The following GSG1L variants were observed in gnomAD, a reference collection of about 807,000 sequenced individuals.
GSG1L encodes the protein germ cell-specific gene 1-like protein.
In GSG1L, 24 loss-of-function variants were observed where a neutral mutation model predicts 42.1. The observed-to-expected ratio is 0.57, with a 90% CI of 0.41 to 0.80. The LOEUF (loss-of-function observed/expected upper bound fraction) is 0.80, where lower values mean the gene tolerates loss of function less well. Ranked by LOEUF, GSG1L falls within the 30% of genes least tolerant of loss-of-function variation. GSG1L has a pLI of 0.00. For synonymous variants in GSG1L, 215 were observed against 203.5 expected (o/e 1.06, Z -0.48); for missense variants, 445 against 472.2 (o/e 0.94, Z 0.53).
intron 1 of GSG1L, among the ~76,000 whole-genome samples, chr16:28,038,187 G>A (rs1036189496): frequency 1.3e-5 from 2 of 152,128 alleles, no homozygotes; most frequent in African/African-American, 2.4e-5. Context: ...TGTTGCCCAG[G>A]ATGGTCTGTA....
chr16:27,945,777 G>A (rs1410879118), intron 2 of GSG1L, among the ~76,000 whole-genome samples: 1 of 152,236 alleles, frequency 6.6e-6, no homozygotes, highest in Non-Finnish European at 1.5e-5. Context: ...CAGGGGCATG[G>A]GCCTCTCTGC....
At chr16:27,933,884 A>G (rs1300459228) in intron 2 of GSG1L, among the ~76,000 whole-genome samples, 1 of 152,178 alleles carries the variant, frequency 6.6e-6, no homozygotes, top group Non-Finnish European at 1.5e-5. Flanking sequence ...TGGGCCCTGC[A>G]TTCAACCCTC....
chr16:27,861,623 T>C (rs1426811265), intron 3 of GSG1L, among the ~76,000 whole-genome samples: 2 of 152,142 alleles, frequency 1.3e-5, no homozygotes, highest in Non-Finnish European at 2.9e-5. Context: ...ACTGATAGAT[T>C]GAGCCATGGC....
chr16:27,899,585 C>T lies in GSG1L; in HGVS notation c.398-14947G>A, dbSNP rs185739073. Among the ~76,000 whole-genome samples, 500 of 152,254 alleles carry T rather than the reference C, an allele frequency of 3.3e-3. 6 individuals carry two copies. The highest frequency in any genetic ancestry group is 1.1e-3 in the Non-Finnish European group (75 of 68,018). On this transcript the variant is annotated intron_variant, in intron 2 of 6. Transcript: ENST00000447459. ...TTAAAAAATTAGCCAAGTGTGGTGG[C>T]GTGCACCTGTGGTGGTAGCCACTCA... is the stretch of plus-strand genomic sequence containing the variant.
chr16:27,811,217 C>T lies in GSG1L; in HGVS notation c.831-3663G>A, dbSNP rs545334404. Among the ~76,000 whole-genome samples, 15 of 152,260 alleles carry T rather than the reference C, an allele frequency of 9.9e-5. 1 individual carries two copies. The South Asian group carries it at 3.1e-3, about 32-fold the overall frequency. On this transcript the variant is annotated intron_variant, in intron 5 of 6. Coordinates refer to ENST00000447459, the MANE Select transcript of GSG1L (RefSeq NM_001109763.2). ...TAAACATATTTTTGAAACTGATTTT[C>T]TTTTTACCTATCCAGAAATTTTTCA... is the stretch of plus-strand genomic sequence containing the variant.
Position 27,787,547 on chromosome 16 carries a change from T to G in GSG1L, c.*3823A>C, listed in dbSNP as rs1424733500. The G allele has an allele frequency of 6.6e-6, 1 of 152,228 alleles. No homozygotes were observed. The highest frequency in any genetic ancestry group is 1.9e-4 in the East Asian group (1 of 5,194). The allele number at this position is 152,228 out of a possible 1,614,324, so 9.4% of individuals were successfully genotyped here. On this transcript the variant is annotated 3_prime_UTR_variant, in exon 7 of 7. Coordinates refer to ENST00000447459, the MANE Select transcript of GSG1L (RefSeq NM_001109763.2). ...CACATACCACTTGCACGATTATTTA[T>G]TTAATATTTTTCTTTAAGCCAACTC... is the stretch of plus-strand genomic sequence containing the variant.
intron 3 of GSG1L, among the ~76,000 whole-genome samples, chr16:27,866,487 G>A (rs1403132773): frequency 2.0e-5 from 3 of 152,096 alleles, no homozygotes. Context: ...TTGGCCCAAA[G>A]CACACACCTG....
chr16:27,816,419 T>C (rs2083094757), intron 5 of GSG1L, among the ~76,000 whole-genome samples: 1 of 152,076 alleles, frequency 6.6e-6, no homozygotes, highest in Non-Finnish European at 1.5e-5. Context: ...GAGCAGGAGC[T>C]AAGTGTGAGT....
chr16:27,881,044 G>T (rs541715824), intron 3 of GSG1L, among the ~76,000 whole-genome samples: 1 of 151,946 alleles, frequency 6.6e-6, no homozygotes, highest in East Asian at 1.9e-4. Flanking sequence ...CCCAGGTCAG[G>T]GTCCCTCTGA....
chr16:28,003,612 C>T (rs2085604166), intron 1 of GSG1L, among the ~76,000 whole-genome samples: 1 of 152,210 alleles, frequency 6.6e-6, no homozygotes, highest in African/African-American at 2.4e-5. Flanking sequence ...CCAGCATGGC[C>T]GTGACTGATG....
At chr16:27,941,758 G>A (rs1216886788) in intron 2 of GSG1L, among the ~76,000 whole-genome samples, 3 of 151,632 alleles carry the variant, frequency 2.0e-5, no homozygotes, top group Non-Finnish European at 3.0e-5. Flanking sequence ...ACATCCATGC[G>A]ATGGCATATT....
At chr16:28,037,639 C>T (rs1162875255) in intron 1 of GSG1L, among the ~76,000 whole-genome samples, 3 of 152,184 alleles carry the variant, frequency 2.0e-5, no homozygotes, top group Non-Finnish European at 4.4e-5. Flanking sequence ...ATAACAATAA[C>T]AACAATAGCA....
chr16:27,987,210 C>A (rs545865541), intron 1 of GSG1L, among the ~76,000 whole-genome samples: 2 of 94,474 alleles, frequency 2.1e-5, no homozygotes, highest in South Asian at 1.2e-3. Flanking sequence ...AGAGTGAACT[C>A]CGTCTCAAAA....
rs772498070 is a variant in GSG1L, at chr16:28,059,324, C to T, written c.349+3752G>A. Among the ~76,000 whole-genome samples, 1 of 152,060 alleles carries T rather than the reference C, an allele frequency of 6.6e-6. No individual in the cohort carries two copies. The highest frequency in any genetic ancestry group is 1.5e-5 in the Non-Finnish European group (1 of 68,012). On this transcript the variant is annotated intron_variant, in intron 1 of 6. Coordinates refer to ENST00000447459, the MANE Select transcript of GSG1L (RefSeq NM_001109763.2). This position sits in a 1 kb window ranked among gnomAD's most constrained non-coding sequence, Gnocchi z 4.4. ...TCTGGGACTGTGGGAGGGGCCACCG[C>T]GGTGTGGGGTGTGTTGGCTCCCCGC...
chr16:27,884,258 G>A lies in GSG1L; in HGVS notation c.550+228C>T, dbSNP rs1021012638. On this transcript the variant is annotated intron_variant, in intron 3 of 6. Coordinates refer to ENST00000447459, the MANE Select transcript of GSG1L (RefSeq NM_001109763.2). This position sits in a 1 kb window ranked among gnomAD's most constrained non-coding sequence, Gnocchi z 4.4. ...GTTATGCTCCTTGAGGTCTGGGACT[G>A]CCTGCTTTTGCTCATTACTATAGCC... Among the ~76,000 whole-genome samples the A allele has an allele frequency of 3.9e-5, 6 of 152,200 alleles. No individual in the cohort carries two copies. The highest frequency in any genetic ancestry group is 1.5e-5 in the Non-Finnish European group (1 of 68,040).
rs190144030 is a variant in GSG1L, at chr16:28,006,887, C to T, written c.350-43684G>A. Among the ~76,000 whole-genome samples the T allele has an allele frequency of 2.9e-3, 444 of 152,208 alleles. 4 individuals carry two copies. Among genetic ancestry groups the T allele is most frequent in the African/African-American group, 0.01 (433 of 41,520 alleles). On this transcript the variant is annotated intron_variant, in intron 1 of 6. Coordinates refer to ENST00000447459, the MANE Select transcript of GSG1L (RefSeq NM_001109763.2). ...AGGCCGGCCCACCTGGAGGACCCCT[C>T]GGGAACAGGAGTGGGACCCACACAC...
intron 1 of GSG1L, among the ~76,000 whole-genome samples, chr16:28,021,898 G>A (rs2085848172): frequency 6.6e-6 from 1 of 152,182 alleles, no homozygotes; most frequent in Admixed American, 6.5e-5. Flanking sequence ...TCGACACGGG[G>A]CTACTTGAGC....
At chr16:27,891,653 T>C (rs950030898) in intron 2 of GSG1L, among the ~76,000 whole-genome samples, 2 of 151,936 alleles carry the variant, frequency 1.3e-5, no homozygotes, top group Non-Finnish European at 2.9e-5. Flanking sequence ...TTAATTGTTT[T>C]GTAGAGACAG....
intron 2 of GSG1L, among the ~76,000 whole-genome samples, chr16:27,961,949 A>G (rs1369712360): frequency 1.3e-5 from 2 of 152,320 alleles, no homozygotes; most frequent in African/African-American, 4.8e-5. Context: ...CAGTGTCTGC[A>G]AAACAGAATG....
Sources: allele counts gnomAD v4.1 joint callset (sites outside exome capture counted in the v4.1 genomes callset), GRCh38; gene constraint gnomAD v4.1.1; non-coding constraint Gnocchi (gnomAD v3.1); transcripts MANE v1.5; gene names NCBI Gene and HGNC (gene_info 2026-07-23, HGNC 2026-07-21).